Variants in BEND4 observed in about 807,000 individuals in gnomAD.
BEND4 encodes BEN domain-containing protein 4.
In BEND4, 27 loss-of-function variants were observed where a neutral mutation model predicts 54.7. That is an observed-to-expected ratio of 0.49 (90% CI 0.36 to 0.68). The LOEUF is 0.68. BEND4 is among the 30% of genes least tolerant of loss of function. The pLI is 0.00. For synonymous variants in BEND4, 327 were observed against 299.5 expected, an observed-to-expected ratio of 1.09 and a Z score of -0.95; for missense variants, 702 against 697.2, an observed-to-expected ratio of 1.01 and a Z score of -0.08.
In BEND4 at chr4:42,152,194, C is replaced by T; in HGVS notation, c.-51G>A. On this transcript the variant is annotated 5_prime_UTR_variant, in exon 2 of 6. Transcript: ENST00000502486. ...GAGCACGTCCCCTCCCCGCCGGGCG[C>T]CGGGCTCCGAGGGTGCCTCCGCCGC... 1 of 1,234,730 alleles carries T rather than the reference C, an allele frequency of 8.1e-7. No homozygotes were observed. Among genetic ancestry groups the T allele is most frequent in the South Asian group, 4.1e-5 (1 of 24,288 alleles). 76.5% of individuals were successfully genotyped at this position (1,234,730 alleles called of 1,614,324 possible). A position where few individuals can be genotyped will look rare whatever the true frequency, so the allele number is the denominator to read the frequency against.
chr4:42,129,236 C>G lies in BEND4; in HGVS notation c.1055-3562G>C, dbSNP rs146910757. On this transcript the variant is annotated intron_variant, in intron 3 of 5. Coordinates refer to ENST00000502486, the MANE Select transcript of BEND4 (RefSeq NM_207406.4). ...TAACAAGGGAAGTGAAGGACCTCTT[C>G]AAGGAGAACTACAAACCACTGCTTA... Among the ~76,000 whole-genome samples, 1,447 of 152,238 alleles carry G rather than the reference C, an allele frequency of 9.5e-3. 10 individuals are homozygous for G. Among genetic ancestry groups the G allele is most frequent in the Non-Finnish European group, 0.014 (980 of 68,014 alleles).
intron 3 of BEND4, among the ~76,000 whole-genome samples, chr4:42,129,605 C>A (rs1014049081): frequency 6.6e-6 from 1 of 152,152 alleles, no homozygotes; most frequent in Non-Finnish European, 1.5e-5. Context: ...ACCATCTGAT[C>A]TTCAAAAAAC....
intron 2 of BEND4, among the ~76,000 whole-genome samples, chr4:42,148,515 T>G (rs1438325090): frequency 6.6e-6 from 1 of 152,242 alleles, no homozygotes; most frequent in Non-Finnish European, 1.5e-5. Flanking sequence ...AAGCACATAC[T>G]ATAACAGGCA....
chr4:42,128,548 C>T (rs1359175093), intron 3 of BEND4, among the ~76,000 whole-genome samples: 4 of 151,244 alleles, frequency 2.6e-5, no homozygotes, highest in African/African-American at 4.9e-5. Context: ...GGCATGAACC[C>T]GGGAGGCGGA....
chr4:42,138,524 G>A (rs948856191), intron 3 of BEND4, among the ~76,000 whole-genome samples: 9 of 152,236 alleles, frequency 5.9e-5, no homozygotes, highest in South Asian at 2.1e-4. Flanking sequence ...AGGAATACAC[G>A]TGACAAATTT....
At position 42,111,415 on chromosome 4, in the gene BEND4, A is replaced by C. The variant is rs1017576245; in HGVS notation, c.*6103T>G. ...GCCCCGGTGTTAGGCTGCTACATGA[A>C]GTTCCAGAGAGGAGAGACATAAAGG... On this transcript the variant is annotated 3_prime_UTR_variant, in exon 6 of 6. Transcript: ENST00000502486. 4 of 152,186 alleles carry C rather than the reference A, an allele frequency of 2.6e-5. No homozygotes were observed. The highest frequency in any genetic ancestry group is 9.7e-5 in the African/African-American group (4 of 41,444). 9.4% of individuals were successfully genotyped at this position (152,186 alleles called of 1,614,324 possible). A position where few individuals can be genotyped will look rare whatever the true frequency, so the allele number is the denominator to read the frequency against.
At chr4:42,124,348 G>C (rs1277031530) in intron 4 of BEND4, among the ~76,000 whole-genome samples, 2 of 152,136 alleles carry the variant, frequency 1.3e-5, no homozygotes, top group African/African-American at 2.4e-5. Flanking sequence ...GCGAGACCCT[G>C]TCTCAAAAAT....
chr4:42,133,563 TG>T (rs1720581801), intron 3 of BEND4, among the ~76,000 whole-genome samples: 1 of 152,196 alleles, frequency 6.6e-6, no homozygotes, highest in South Asian at 2.1e-4. Flanking sequence ...CCTGTACAAC[TG>T]GGAAAATGGG....
intron 2 of BEND4, 154 bp downstream of exon 2, chr4:42,151,503 G>C: frequency 7.8e-6 from 6 of 772,216 alleles, no homozygotes; most frequent in African/African-American, 3.7e-5. Context: ...TCCTCTCGAA[G>C]TTTCCGGGTG....
chr4:42,126,749 C>A (rs976873039), intron 3 of BEND4, among the ~76,000 whole-genome samples: 1 of 152,132 alleles, frequency 6.6e-6, no homozygotes, highest in African/African-American at 2.4e-5. Context: ...TGGTGGCTTA[C>A]ACCTGTAATC....
chr4:42,134,766 T>C (rs771105445), intron 3 of BEND4, among the ~76,000 whole-genome samples: 2 of 152,250 alleles, frequency 1.3e-5, no homozygotes, highest in South Asian at 2.1e-4. Context: ...AAAGGATGAA[T>C]AGGAGTTTCT....
intron 3 of BEND4, among the ~76,000 whole-genome samples, chr4:42,142,832 T>A (rs778596471): frequency 6.6e-6 from 1 of 152,154 alleles, no homozygotes; most frequent in Non-Finnish European, 1.5e-5. Flanking sequence ...CTGGTCTATC[T>A]TTGACCTATT....
rs535070398 is a variant in BEND4, at chr4:42,118,370, C to T, written c.1388-635G>A. 2.7e-4 allele frequency among the ~76,000 whole-genome samples: 41 copies of T among 152,248 alleles called. 1 individual carries two copies. In the South Asian group the frequency reaches 8.3e-3, roughly 31 times the overall value. Reference sequence around the variant, plus strand: ...TTTTACCAAAAAGCAATTAACATGCCCAGAAGAGTGAACTGTCGCAGCTGC... The same window carrying T: ...TTTTACCAAAAAGCAATTAACATGCTCAGAAGAGTGAACTGTCGCAGCTGC... On this transcript the variant is annotated intron_variant, in intron 5 of 5. Coordinates refer to ENST00000502486, the MANE Select transcript of BEND4 (RefSeq NM_207406.4).
At chr4:42,138,322 G>GA (rs1263538729) in intron 3 of BEND4, among the ~76,000 whole-genome samples, 7 of 152,114 alleles carry the variant, frequency 4.6e-5, no homozygotes, top group Non-Finnish European at 1.0e-4. Flanking sequence ...GCCAGACACA[G>GA]AAAGAAAAAT....
intron 2 of BEND4, among the ~76,000 whole-genome samples, chr4:42,149,824 A>G (rs1721199669): frequency 6.6e-6 from 1 of 152,182 alleles, no homozygotes; most frequent in South Asian, 2.1e-4. Flanking sequence ...GAAAAAAAGA[A>G]GCAATACAGG....
chr4:42,115,853 GAAT>G lies in BEND4; in HGVS notation c.*1662_*1664del, dbSNP rs1447999899. ...GAATATTGGTTCTCCCTATTCCATT[GAAT>G]GATATGACAAATTTTAGTTAATTTT... On this transcript the variant is annotated 3_prime_UTR_variant, in exon 6 of 6. Transcript: ENST00000502486. The G allele has an allele frequency of 8.7e-6, 1 of 115,276 alleles. No individual in the cohort carries two copies. Among genetic ancestry groups the G allele is most frequent in the African/African-American group, 8.1e-5 (1 of 12,290 alleles). 7.1% of individuals were successfully genotyped at this position (115,276 alleles called of 1,614,324 possible).
At position 42,128,659 on chromosome 4, in the gene BEND4, C is replaced by T. The variant is rs143671061; in HGVS notation, c.1055-2985G>A. 5.4e-4 allele frequency among the ~76,000 whole-genome samples: 82 copies of T among 151,942 alleles called. No homozygotes were observed. The East Asian group carries it at 0.016, about 30-fold the overall frequency. ...AAAAGAAAAAAAAGAAAGTTCTGGC[C>T]AGTGCCATTAAGCAAGAGAAAGAAA... On this transcript the variant is annotated intron_variant, in intron 3 of 5. Transcript: ENST00000502486.
chr4:42,120,337 A>T, intron 4 of BEND4, 43 bp from the exon 5 acceptor site: 1 of 1,580,076 alleles, frequency 6.3e-7, no homozygotes, highest in Non-Finnish European at 8.6e-7. Flanking sequence ...CGAGCCAGCC[A>T]GCCAGAAGCA....
intron 3 of BEND4, among the ~76,000 whole-genome samples, chr4:42,137,973 A>T (rs993617495): frequency 6.6e-6 from 1 of 152,198 alleles, no homozygotes; most frequent in Non-Finnish European, 1.5e-5. Context: ...GGGAAAAAGG[A>T]AACCCTTGTA....
Sources: gnomAD v4.1 joint callset for allele counts (sites outside exome capture counted in the v4.1 genomes callset) on GRCh38, gnomAD v4.1.1 for gene constraint, MANE v1.5 for transcripts, NCBI Gene and HGNC (gene_info 2026-07-23, HGNC 2026-07-21) for gene names.